The following LAMA2 variants were observed in gnomAD, a reference collection of about 807,000 sequenced individuals.
LAMA2 encodes the protein laminin subunit alpha 2, also known as laminin subunit alpha-2.
In LAMA2, 269 loss-of-function variants were observed where a neutral mutation model predicts 364.8. The observed-to-expected ratio is 0.74, with a 90% CI of 0.67 to 0.82. The LOEUF is 0.82. Ranked by LOEUF, LAMA2 falls within the 40% of genes least tolerant of loss-of-function variation. LAMA2 has a pLI of 0.00. For missense variants in LAMA2, 3,807 were observed against 3,873.2 expected (o/e 0.98, Z 0.45); for synonymous variants, 1,379 against 1,370.6 (o/e 1.01, Z -0.14).
chr6:129,396,847 C>G (rs1032243006), intron 37 of LAMA2, among the ~76,000 whole-genome samples: 1 of 151,720 alleles, frequency 6.6e-6, no homozygotes, highest in Non-Finnish European at 1.5e-5. Flanking sequence ...CATGGTGGTG[C>G]ATGCCTGTGG....
chr6:129,496,989 T>G (rs1020440284), intron 58 of LAMA2, among the ~76,000 whole-genome samples: 6 of 152,240 alleles, frequency 3.9e-5, no homozygotes, highest in African/African-American at 1.4e-4. Flanking sequence ...TCTCTATTTA[T>G]TCTTTTGTTA....
At chr6:128,933,837 T>G (rs1267936190) in intron 1 of LAMA2, among the ~76,000 whole-genome samples, 1 of 152,248 alleles carries the variant, frequency 6.6e-6, no homozygotes, top group African/African-American at 2.4e-5. Context: ...ATTTTGAATA[T>G]TAACTCCTGA....
chr6:129,027,310 T>C (rs188848364), intron 1 of LAMA2, among the ~76,000 whole-genome samples: 7 of 152,198 alleles, frequency 4.6e-5, no homozygotes, highest in African/African-American at 1.4e-4. Context: ...AGAATCCATA[T>C]GTAATAGCTT....
chr6:129,297,706 T>A lies in LAMA2; in HGVS notation c.2878T>A (p.Ser960Thr). The A allele has an allele frequency of 6.2e-7, 1 of 1,613,960 alleles. No homozygotes were observed. Among genetic ancestry groups the A allele is most frequent in the Non-Finnish European group, 8.5e-7 (1 of 1,179,966 alleles). ...CCAGGCTGGGACCTTTGGCCTACAA[T>A]CAGCAAGGGGCTGTGTTCCCTGCAA... ...KCKAGTFGLQ[S>T]ARGCVPCNCN... is the part of the protein sequence containing the mutation. Residue 960 changes from serine to threonine, a missense_variant, in exon 21 of 65, where the codon TCA becomes ACA. Transcript: ENST00000421865.
At chr6:129,093,500 T>G (rs1166857616) in intron 3 of LAMA2, among the ~76,000 whole-genome samples, 1 of 152,100 alleles carries the variant, frequency 6.6e-6, no homozygotes, top group Admixed American at 6.6e-5. Context: ...CAAATATCAT[T>G]TTATCTTAGC....
chr6:129,203,124 G>C (rs143989187), intron 12 of LAMA2, among the ~76,000 whole-genome samples: 94 of 152,330 alleles, frequency 6.2e-4, no homozygotes, highest in African/African-American at 2.2e-3. Context: ...TGGGTTGTAA[G>C]AAGAGTATAA....
chr6:129,302,380 A>G (rs574985850), intron 22 of LAMA2, among the ~76,000 whole-genome samples: 1 of 152,204 alleles, frequency 6.6e-6, no homozygotes, highest in South Asian at 2.1e-4. Flanking sequence ...TTAGTAATGC[A>G]TTGCAAGGAT....
At chr6:129,124,760 T>TTCTG (rs1424220078) in intron 4 of LAMA2, among the ~76,000 whole-genome samples, 1 of 152,204 alleles carries the variant, frequency 6.6e-6, no homozygotes, top group East Asian at 1.9e-4. Context: ...TATTTATTAA[T>TTCTG]AGTATATTCA....
rs5879934 is a variant in LAMA2 at position 129,255,405 on chromosome 6, CAAAAAAAAAAAAAAAA to C, written c.2096+3125_2096+3140del. Among the ~76,000 whole-genome samples the C allele has an allele frequency of 6.8e-4, 23 of 33,830 alleles. No individual in the cohort carries two copies. The East Asian group carries it at 7.6e-3, about 11-fold the overall frequency. 22.2% of individuals were successfully genotyped at this position (33,830 alleles called of 152,430 possible). A position where few individuals can be genotyped will look rare whatever the true frequency, so the allele number is the denominator to read the frequency against. On this transcript the variant is annotated intron_variant, in intron 14 of 64. Transcript: ENST00000421865. ...TGGGTGACAGAGGGAGACTCTGTCT[CAAAAAAAAAAAAAAAA>C]AAAAAAAAAAAAAAGCCTGGAATAC... is the stretch of plus-strand genomic sequence containing the variant.
rs138303386 is a variant in LAMA2, at chr6:129,369,940, G to C, written c.4909G>C (p.Glu1637Gln). The part of the protein sequence containing the change: ...RAPERLIQLA[E>Q]GNLNTLVTEM... ...CCCAGAGAGGCTTATTCAGCTGGCA[G>C]AGGGCAATCTGAATACACTCGTGAC... Residue 1637 changes from glutamate (E) to glutamine (Q), a missense_variant, in exon 34 of 65, where the codon GAG (glutamate) becomes CAG (glutamine). Around this residue, in one of 3 missense-constraint regions of LAMA2, gnomAD observed 3,333 missense variants for 3,345.7 expected, o/e 1.00. Transcript: ENST00000421865. 113 of 1,614,040 alleles carry C rather than the reference G, an allele frequency of 7.0e-5. No individual in the cohort carries two copies. Among genetic ancestry groups the C allele is most frequent in the Non-Finnish European group, 9.2e-5 (109 of 1,180,006 alleles).
At chr6:129,465,661 G>A (rs764756603) in intron 51 of LAMA2, among the ~76,000 whole-genome samples, 3 of 151,820 alleles carry the variant, frequency 2.0e-5, no homozygotes, top group Non-Finnish European at 4.4e-5. Context: ...GGAGTGGTAG[G>A]GCATAGTTAT....
At position 129,341,408 on chromosome 6, in the gene LAMA2, C is replaced by T. The variant is rs980766133; in HGVS notation, c.4312-935C>T. On this transcript the variant is annotated intron_variant, in intron 29 of 64. Coordinates refer to ENST00000421865, the MANE Select transcript of LAMA2 (RefSeq NM_000426.4). Reference sequence around the variant, plus strand: ...CTATTTTGACCACTCCAAATCCTGTCTTATAAAATCCAGCTAAAATTCAAT... The same window carrying T: ...CTATTTTGACCACTCCAAATCCTGTTTTATAAAATCCAGCTAAAATTCAAT... 2.0e-5 allele frequency among the ~76,000 whole-genome samples: 3 copies of T among 152,314 alleles called. No individual in the cohort carries two copies. In the East Asian group the frequency reaches 5.8e-4, roughly 29 times the overall value.
At chr6:129,204,874 A>G (rs1368697792) in intron 12 of LAMA2, among the ~76,000 whole-genome samples, 1 of 152,240 alleles carries the variant, frequency 6.6e-6, no homozygotes, top group Admixed American at 6.5e-5. Flanking sequence ...AACAGAAATG[A>G]ATGAGCAGTT....
intron 17 of LAMA2, among the ~76,000 whole-genome samples, chr6:129,273,314 A>G (rs1372408199): frequency 6.6e-6 from 1 of 152,138 alleles, no homozygotes; most frequent in Admixed American, 6.5e-5. Flanking sequence ...ATTGTTCACG[A>G]CTAACTTGCA....
rs558439818 is a variant in LAMA2 at position 129,260,902 on chromosome 6, G to A, written c.2208+80G>A. 1.3e-4 allele frequency: 107 copies of A among 846,600 alleles called. No individual in the cohort carries two copies. In the African/African-American group the frequency reaches 1.7e-3, roughly 14 times the overall value. 52.4% of individuals were successfully genotyped at this position (846,600 alleles called of 1,614,324 possible). A position where few individuals can be genotyped will look rare whatever the true frequency, so the allele number is the denominator to read the frequency against. ...TCAATAACCTATTCTAATAAGAGCT[G>A]TTTTTTTTCTATCAATAATTACACA... is the stretch of plus-strand genomic sequence containing the variant. On this transcript the variant is annotated intron_variant, in intron 15 of 64. Transcript: ENST00000421865.
At chr6:129,212,180 T>G (rs1783140762) in intron 12 of LAMA2, among the ~76,000 whole-genome samples, 1 of 152,242 alleles carries the variant, frequency 6.6e-6, no homozygotes, top group Non-Finnish European at 1.5e-5. Context: ...CAAATTCTTT[T>G]CCAGCCCTCA....
chr6:129,186,979 A>G (rs988427505), intron 10 of LAMA2, among the ~76,000 whole-genome samples: 10 of 151,956 alleles, frequency 6.6e-5, no homozygotes, highest in Admixed American at 2.0e-4. Flanking sequence ...TAATATAAAG[A>G]ATAAAGCAAC....
chr6:129,244,253 TAACTC>T (rs1377996041), intron 12 of LAMA2, among the ~76,000 whole-genome samples: 1 of 152,122 alleles, frequency 6.6e-6, no homozygotes, highest in East Asian at 1.9e-4. Flanking sequence ...AATCTGTTCT[TAACTC>T]AAATTTATAC....
chr6:129,029,589 G>A (rs1188837730), intron 1 of LAMA2, among the ~76,000 whole-genome samples: 2 of 151,876 alleles, frequency 1.3e-5, no homozygotes, highest in East Asian at 3.9e-4. Flanking sequence ...ATTAGAAAAT[G>A]TAAAGGTGAC....
Sources: allele counts gnomAD v4.1 joint callset (sites outside exome capture counted in the v4.1 genomes callset), GRCh38; gene constraint gnomAD v4.1.1; regional missense constraint gnomAD v4.1.1; transcripts MANE v1.5; gene names NCBI Gene and HGNC (gene_info 2026-07-23, HGNC 2026-07-21).